Variants in PPFIA1 observed in about 807,000 individuals in gnomAD.
PPFIA1 encodes liprin-alpha-1.
PPFIA1 carries 25 observed loss-of-function variants against 149.9 expected under a neutral mutation model. The ratio of observed to expected loss-of-function variants is 0.17; its 90% CI spans 0.12 to 0.23. The LOEUF (loss-of-function observed/expected upper bound fraction) is 0.23. PPFIA1 is among the 10% of genes least tolerant of loss of function. PPFIA1 has a pLI of 1.00. For synonymous variants in PPFIA1, 549 were observed against 552.8 expected (o/e 0.99, Z 0.10); for missense variants, 1,362 against 1,506.5 (o/e 0.90, Z 1.59).
chr11:70,355,851 C>T (rs2056334966), intron 18 of PPFIA1, 40 bp downstream of exon 18: 6 of 1,575,204 alleles, frequency 3.8e-6, no homozygotes, highest in East Asian at 2.2e-5. Context: ...ACCCAGGGGT[C>T]GGGGAGGAAG....
chr11:70,382,002 T>C, intron 26 of PPFIA1, 86 bp from the exon 27 acceptor site: 1 of 1,172,018 alleles, frequency 8.5e-7, no homozygotes, highest in Non-Finnish European at 1.3e-6. Flanking sequence ...GGTGTGAAGA[T>C]GTGTGTCTAC....
intron 25 of PPFIA1, among the ~76,000 whole-genome samples, chr11:70,377,082 C>T (rs1461742230): frequency 6.6e-6 from 1 of 151,686 alleles, no homozygotes; most frequent in Non-Finnish European, 1.5e-5. Flanking sequence ...CAAAAAGAAA[C>T]CCCCTCCCCG....
chr11:70,327,041 A>G, intron 7 of PPFIA1: 1 of 503,546 alleles, frequency 2.0e-6, no homozygotes, highest in Non-Finnish European at 3.5e-6. Flanking sequence ...TTCAAAGTAG[A>G]GAACTAGTCC....
intron 2 of PPFIA1, among the ~76,000 whole-genome samples, chr11:70,320,876 G>A (rs1473398185): frequency 6.6e-6 from 1 of 152,168 alleles, no homozygotes; most frequent in Non-Finnish European, 1.5e-5. Context: ...GCTATTCCAT[G>A]GTTCTCTACC....
At chr11:70,301,413 A>C (rs2052480725) in intron 2 of PPFIA1, among the ~76,000 whole-genome samples, 2 of 152,202 alleles carry the variant, frequency 1.3e-5, no homozygotes, top group Admixed American at 1.3e-4. Flanking sequence ...GCGAGTCCCA[A>C]GCCACTTACT....
chr11:70,355,498 T>C (rs1412739488), intron 17 of PPFIA1, 141 bp from the exon 18 acceptor site: 2 of 790,360 alleles, frequency 2.5e-6, no homozygotes, highest in East Asian at 2.8e-5. Flanking sequence ...GCCGGGAGTC[T>C]GCCTTTATCA....
chr11:70,275,407 T>G (rs898608622), intron 2 of PPFIA1, among the ~76,000 whole-genome samples: 11 of 152,258 alleles, frequency 7.2e-5, no homozygotes, highest in African/African-American at 2.7e-4. Context: ...AGTTGTATCT[T>G]TTGATACATA....
rs188322476 is a variant in PPFIA1, at chr11:70,280,218, A to G, written c.264+7782A>G. On this transcript the variant is annotated intron_variant, in intron 2 of 27. Coordinates refer to ENST00000253925, the MANE Select transcript of PPFIA1 (RefSeq NM_003626.5). ...CTAGCATGTGTGTATATATGTGTGTATATATATATACGTACATACATATAT... is the reference window on the plus strand; with the variant it reads ...CTAGCATGTGTGTATATATGTGTGTGTATATATATACGTACATACATATAT... 8.4e-4 allele frequency among the ~76,000 whole-genome samples: 122 copies of G among 145,380 alleles called. 1 individual carries two copies. The highest frequency in any genetic ancestry group is 8.6e-4 in the Non-Finnish European group (57 of 66,516).
chr11:70,333,371 C>A (rs1565408095), intron 9 of PPFIA1, 99 bp from the exon 10 acceptor site: 5 of 883,208 alleles, frequency 5.7e-6, no homozygotes, highest in Non-Finnish European at 9.3e-6. Flanking sequence ...CGGAGCAGCC[C>A]ACGCAGAGCA....
intron 23 of PPFIA1, chr11:70,373,473 C>T (rs954111086): frequency 3.3e-5 from 5 of 151,886 alleles, no homozygotes; most frequent in Admixed American, 2.0e-4. Flanking sequence ...AGGGGATCCT[C>T]CCACCTTGGC....
chr11:70,326,321 C>T lies in PPFIA1; in HGVS notation c.666C>T (p.Asp222=). 6.2e-7 allele frequency: 1 copy of T among 1,609,992 alleles called. No individual in the cohort carries two copies. Among genetic ancestry groups the T allele is most frequent in the South Asian group, 1.1e-5 (1 of 90,572 alleles). The part of the protein sequence containing the change: ...QKKTLTDGVL[D]INHEQENTPS... Reference sequence around the variant, plus strand: ...AAACTCTAACAGATGGAGTGCTGGACATAAACCATGAACAAGAAAATACAC... The same window carrying T: ...AAACTCTAACAGATGGAGTGCTGGATATAAACCATGAACAAGAAAATACAC... Residue 222 remains aspartate (D), a synonymous_variant, in exon 6 of 28, where the codon GAC becomes GAT. Coordinates refer to ENST00000253925, the MANE Select transcript of PPFIA1 (RefSeq NM_003626.5).
At chr11:70,303,705 G>A (rs2052648597) in intron 2 of PPFIA1, among the ~76,000 whole-genome samples, 1 of 152,144 alleles carries the variant, frequency 6.6e-6, no homozygotes, top group South Asian at 2.1e-4. Context: ...TAGCCTCAAG[G>A]TAAGGACTGG....
chr11:70,287,586 C>G (rs1325813136), intron 2 of PPFIA1, among the ~76,000 whole-genome samples: 2 of 151,808 alleles, frequency 1.3e-5, no homozygotes, highest in Admixed American at 6.6e-5. Context: ...GCCTCAGCCT[C>G]CCAAAGTGTT....
chr11:70,377,960 G>T, intron 25 of PPFIA1, 70 bp from the exon 26 acceptor site: 1 of 1,214,800 alleles, frequency 8.2e-7, no homozygotes, highest in Non-Finnish European at 1.2e-6. Context: ...CATTTTAAAG[G>T]ACATGTAACT....
chr11:70,360,484 G>C (rs1402012829), intron 19 of PPFIA1, among the ~76,000 whole-genome samples: 1 of 152,244 alleles, frequency 6.6e-6, no homozygotes, highest in Admixed American at 6.5e-5. Context: ...CAAAGCCTTA[G>C]CAGTTAACCA....
intron 12 of PPFIA1, 106 bp from the exon 13 acceptor site, chr11:70,338,268 T>C: frequency 4.6e-6 from 4 of 869,008 alleles, no homozygotes; most frequent in Non-Finnish European, 7.3e-6. Flanking sequence ...TTGTAACTGC[T>C]GATTTAACCT....
At chr11:70,338,582 G>C (rs1056364529) in intron 13 of PPFIA1, 129 bp downstream of exon 13, 11 of 690,584 alleles carry the variant, frequency 1.6e-5, no homozygotes, top group Non-Finnish European at 2.4e-5. Flanking sequence ...AGTAGGAAGC[G>C]AGAGAGAAAA....
intron 12 of PPFIA1, 53 bp downstream of exon 12, chr11:70,337,480 A>T: frequency 7.3e-7 from 1 of 1,367,430 alleles, no homozygotes; most frequent in Non-Finnish European, 1.0e-6. Context: ...TGAGTTGATG[A>T]TGATGATAGT....
intron 26 of PPFIA1, among the ~76,000 whole-genome samples, chr11:70,380,205 C>CGAGACCAGCCTGGCCAACGTGGT (rs531529690): frequency 6.7e-5 from 10 of 149,206 alleles, no homozygotes; most frequent in Admixed American, 4.0e-4. Flanking sequence ...GTCAGGAGTT[C>CGAGACCAGCCTGGCCAACGTGGT]GAGACCAGCC....
Sources: gnomAD v4.1 joint callset for allele counts (sites outside exome capture counted in the v4.1 genomes callset) on GRCh38, gnomAD v4.1.1 for gene constraint, MANE v1.5 for transcripts, NCBI Gene and HGNC (gene_info 2026-07-23, HGNC 2026-07-21) for gene names.